Variants in DENND2B observed in about 807,000 individuals in gnomAD.
DENND2B encodes DENN domain containing 2B.
In DENND2B, 32 loss-of-function variants were observed where a neutral mutation model predicts 116.0. The ratio of observed to expected loss-of-function variants is 0.28; its 90% CI spans 0.21 to 0.37. DENND2B has a LOEUF of 0.37. DENND2B is among the 10% of genes least tolerant of loss of function. The pLI is 1.00. For missense variants in DENND2B, 1,276 were observed against 1,477.7 expected, an observed-to-expected ratio of 0.86 and a Z score of 2.24; for synonymous variants, 588 against 583.9, an observed-to-expected ratio of 1.01 and a Z score of -0.10.
At chr11:8,762,848 G>A (rs984027264) in intron 1 of DENND2B, among the ~76,000 whole-genome samples, 4 of 152,144 alleles carry the variant, frequency 2.6e-5, no homozygotes, top group South Asian at 2.1e-4. Flanking sequence ...CAACAAGAGC[G>A]AAACTGCATC....
intron 2 of DENND2B, among the ~76,000 whole-genome samples, chr11:8,736,353 C>T (rs74053134): frequency 0.017 from 2,445 of 144,544 alleles, 72 homozygotes; most frequent in African/African-American, 0.057. Flanking sequence ...CAGAGTGAGA[C>T]CTTGTCTCAA....
chr11:8,764,053 G>A (rs1297241774), intron 1 of DENND2B, among the ~76,000 whole-genome samples: 4 of 151,894 alleles, frequency 2.6e-5, no homozygotes, highest in African/African-American at 9.7e-5. Context: ...GTGAAACCCC[G>A]TCTCTACTAA....
chr11:8,737,169 A>G (rs2049203998), intron 2 of DENND2B, among the ~76,000 whole-genome samples: 1 of 152,180 alleles, frequency 6.6e-6, no homozygotes, highest in Admixed American at 6.5e-5. Flanking sequence ...ATAAATTTCA[A>G]TATGGGAGTC....
chr11:8,908,244 G>A (rs956134294), intron 1 of DENND2B, among the ~76,000 whole-genome samples: 1 of 152,182 alleles, frequency 6.6e-6, no homozygotes, highest in Non-Finnish European at 1.5e-5. Context: ...GGCAACAGAG[G>A]TGGCAACTGG....
intron 1 of DENND2B, among the ~76,000 whole-genome samples, chr11:8,805,382 C>A (rs529874371): frequency 2.0e-4 from 30 of 152,322 alleles, no homozygotes; most frequent in African/African-American, 6.7e-4. Context: ...AGCCTGTGTT[C>A]CAAGTCACAA....
At chr11:8,770,089 A>C (rs1251398791) in intron 1 of DENND2B, among the ~76,000 whole-genome samples, 2 of 152,220 alleles carry the variant, frequency 1.3e-5, no homozygotes, top group East Asian at 3.8e-4. Context: ...TGTGAAGGGC[A>C]ACTGTGGCCC....
chr11:8,819,474 A>G (rs2061687156), intron 4 of DENND2B, among the ~76,000 whole-genome samples: 1 of 152,244 alleles, frequency 6.6e-6, no homozygotes, highest in Non-Finnish European at 1.5e-5. Flanking sequence ...TTTATTAATT[A>G]CAAAGGTAGA....
rs560476981 is a variant in DENND2B, at chr11:8,777,164, C to A, written c.-25-26439G>T. ...ATGCCACGTGATACATGCCTCACAT[C>A]TAGTCCTAAGCTGCTAGTGAGTTAC... On this transcript the variant is annotated intron_variant, in intron 1 of 19. Transcript: ENST00000313726. Among the ~76,000 whole-genome samples the A allele has an allele frequency of 6.2e-4, 94 of 152,330 alleles. 1 individual carries two copies. Among genetic ancestry groups the A allele is most frequent in the African/African-American group, 2.2e-3 (91 of 41,574 alleles).
chr11:8,728,395 A>G (rs976237585), intron 3 of DENND2B, among the ~76,000 whole-genome samples: 5 of 152,212 alleles, frequency 3.3e-5, no homozygotes, highest in African/African-American at 1.2e-4. Context: ...CTCATGGAAC[A>G]TGTTCACTGT....
At chr11:8,807,084 G>A (rs2060929127) in intron 1 of DENND2B, among the ~76,000 whole-genome samples, 1 of 151,942 alleles carries the variant, frequency 6.6e-6, no homozygotes. Flanking sequence ...ACAGAAGGAA[G>A]GCCAAGCCAG....
At chr11:8,698,272 C>T (rs750757833) in intron 16 of DENND2B, among the ~76,000 whole-genome samples, 3 of 150,736 alleles carry the variant, frequency 2.0e-5, no homozygotes, top group Non-Finnish European at 4.4e-5. Context: ...AGGCAGGAGG[C>T]ACAGTTGGCT....
At chr11:8,706,162 T>C (rs1423507024) in intron 13 of DENND2B, among the ~76,000 whole-genome samples, 1 of 152,196 alleles carries the variant, frequency 6.6e-6, no homozygotes, top group African/African-American at 2.4e-5. Flanking sequence ...GGAGGATCGC[T>C]TGAGCCCGGG....
In DENND2B at chr11:8,737,929, T is replaced by C. The variant is rs908844576; in HGVS notation, c.81-6720A>G. Among the ~76,000 whole-genome samples, 7 of 151,708 alleles carry C rather than the reference T, an allele frequency of 4.6e-5. No individual in the cohort carries two copies. The South Asian group carries it at 8.4e-4, about 18-fold the overall frequency. ...GGTCCAGCTAATTTTTTTTTTTTTT[T>C]CACAGATGGGGGTCTCACTATGTTG... On this transcript the variant is annotated intron_variant, in intron 2 of 19. Coordinates refer to ENST00000313726, the MANE Select transcript of DENND2B (RefSeq NM_213618.2).
At chr11:8,832,662 A>T (rs1351039569) in intron 4 of DENND2B, 1 of 152,514 alleles carries the variant, frequency 6.6e-6, no homozygotes, top group Admixed American at 6.5e-5. Flanking sequence ...AGTTGGGCAG[A>T]AAGGAATGCA....
intron 4 of DENND2B, among the ~76,000 whole-genome samples, chr11:8,826,272 G>A (rs2061975755): frequency 6.6e-6 from 1 of 152,104 alleles, no homozygotes; most frequent in South Asian, 2.1e-4. Context: ...CAAGGATATA[G>A]AGCAGCTCAG....
rs1157183293 is a variant in DENND2B, at chr11:8,879,017, A to G, written c.-156+1993T>C. Among the ~76,000 whole-genome samples the G allele has an allele frequency of 2.0e-5, 3 of 152,208 alleles. No individual in the cohort carries two copies. In the East Asian group the frequency reaches 5.8e-4, roughly 29 times the overall value. On this transcript the variant is annotated intron_variant, in intron 2 of 22. Coordinates refer to the DENND2B transcript ENST00000534127. ...ATGTCACTGAATTATACACTTTAAA[A>G]TGGTTTTTATGTTGTGTAAATTTCA...
Position 8,717,839 on chromosome 11 carries a change from C to T in DENND2B, c.1531G>A (p.Ala511Thr), listed in dbSNP as rs1201760942. 1 of 1,613,430 alleles carries T rather than the reference C, an allele frequency of 6.2e-7. No homozygotes were observed. The change falls in exon 5 of 20, where the codon GCA (alanine) becomes ACA (threonine). Residue 511 changes from alanine (A) to threonine (T), a missense_variant. Ala to Thr is a moderately conservative substitution (Grantham distance 58). Coordinates refer to ENST00000313726, the MANE Select transcript of DENND2B (RefSeq NM_213618.2). ...GACAGTTGCTGGGATTTTCGTCCTG[C>T]TCTTCGGCTCTTTAAGTCCACATCC... The part of the protein sequence containing the change: ...YEDVDLKSRR[A>T]GRKSQQLSEN...
intron 2 of DENND2B, among the ~76,000 whole-genome samples, chr11:8,748,623 G>C (rs1211507691): frequency 6.6e-6 from 1 of 150,600 alleles, no homozygotes; most frequent in Admixed American, 6.6e-5. Flanking sequence ...GAAAGAAAGG[G>C]GGGAGGGAAG....
chr11:8,889,464 C>T (rs775304810), intron 1 of DENND2B, among the ~76,000 whole-genome samples: 49 of 152,198 alleles, frequency 3.2e-4, no homozygotes, highest in Non-Finnish European at 5.4e-4. Flanking sequence ...ACCCGGGAAA[C>T]GCAAGGGTCA....
Sources: allele counts gnomAD v4.1 joint callset (sites outside exome capture counted in the v4.1 genomes callset), GRCh38; gene constraint gnomAD v4.1.1; transcripts MANE v1.5; gene names NCBI Gene and HGNC (gene_info 2026-07-23, HGNC 2026-07-21).